Variants in CCL24 observed in about 807,000 individuals in gnomAD.
CCL24 encodes the protein C-C motif chemokine ligand 24, also known as C-C motif chemokine 24.
Under a neutral mutation model 8.6 loss-of-function variants are expected in CCL24, and 6 were observed. The observed-to-expected ratio is 0.70, with a 90% confidence interval of 0.38 to 1.38. The LOEUF (loss-of-function observed/expected upper bound fraction) is 1.38. CCL24 is among the 40% of genes most tolerant of loss of function. The pLI is 0.02. For synonymous variants in CCL24, 59 were observed against 52.7 expected, an observed-to-expected ratio of 1.12 and a Z score of -0.52; for missense variants, 126 against 147.1, an observed-to-expected ratio of 0.86 and a Z score of 0.74.
rs782147186 is a variant in CCL24, at chr7:75,812,930, GA to G, written c.191+375del. Among the ~76,000 whole-genome samples the G allele has an allele frequency of 2.6e-3, 378 of 142,758 alleles. 1 individual carries two copies. The highest frequency in any genetic ancestry group is 7.2e-3 in the Middle Eastern group (2 of 276). The allele number at this position is 142,758 out of a possible 152,430, so 93.7% of individuals were successfully genotyped here. A position where few individuals can be genotyped will look rare whatever the true frequency, so the allele number is the denominator to read the frequency against. On this transcript the variant is annotated intron_variant, in intron 2 of 2. Transcript: ENST00000222902. ...GGGTGATAGAGACTCTGTCTCAGGGGAAAAAAAAAAAATCCTCCTCCTGGCT... is the reference window on the plus strand; with the variant it reads ...GGGTGATAGAGACTCTGTCTCAGGGGAAAAAAAAAAATCCTCCTCCTGGCT...
In CCL24 at chr7:75,813,443, A is replaced by C; in HGVS notation, c.74-20T>G. ...CAGAGCCTAGAAGAGGAGAGAGAGA[A>C]GAGCCACGTCTTTTCCCAGCCTCCC... On this transcript the variant is annotated intron_variant, in intron 1 of 2. Transcript: ENST00000222902. The C allele has an allele frequency of 6.5e-7, 1 of 1,547,000 alleles. No homozygotes were observed. Among genetic ancestry groups the C allele is most frequent in the Non-Finnish European group, 8.9e-7 (1 of 1,120,584 alleles).
rs1343024686 is a variant in CCL24 at position 75,811,503 on chromosome 7, A to G, written c.*293T>C. On this transcript the variant is annotated 3_prime_UTR_variant, in exon 3 of 3. Coordinates refer to ENST00000222902, the MANE Select transcript of CCL24 (RefSeq NM_002991.3). ...CAGAAAAAAAAAAAAAAGAAAAAGCATCAGAACCAGGTCAGGAGGAGAAGG... is the reference window on the plus strand; with the variant it reads ...CAGAAAAAAAAAAAAAAGAAAAAGCGTCAGAACCAGGTCAGGAGGAGAAGG... Among the ~76,000 whole-genome samples, 2 of 151,628 alleles carry G rather than the reference A, an allele frequency of 1.3e-5. No homozygotes were observed. Among genetic ancestry groups the G allele is most frequent in the African/African-American group, 4.8e-5 (2 of 41,338 alleles).
upstream of CCL24, among the ~76,000 whole-genome samples, chr7:75,817,839 GT>G (rs1554534371): frequency 6.7e-6 from 1 of 148,262 alleles, no homozygotes; most frequent in Non-Finnish European, 1.5e-5. Flanking sequence ...GTTGTTGTTT[GT>G]TTTGTTTTCA....
chr7:75,813,218 T>C (rs1554533655), intron 2 of CCL24, 88 bp downstream of exon 2: 2 of 746,026 alleles, frequency 2.7e-6, no homozygotes, highest in Admixed American at 3.9e-5. Flanking sequence ...TGCACAGAGC[T>C]GGGGCTGGCT....
chr7:75,819,235 G>A (rs1385662801), intron 1 of CCL24, among the ~76,000 whole-genome samples: 6 of 111,534 alleles, frequency 5.4e-5, no homozygotes, highest in Admixed American at 1.1e-4. Flanking sequence ...ACCATTGCAC[G>A]CCAGACTGGG....
Position 75,811,164 on chromosome 7 carries a change from T to C in CCL24, c.*632A>G, listed in dbSNP as rs572378670. ...ATTTCCTTTAAAAAAAAAAAAATTA[T>C]GATTTTTTTTTTTCAACATAAAAGT... On this transcript the variant is annotated 3_prime_UTR_variant, in exon 3 of 3. Transcript: ENST00000222902. Among the ~76,000 whole-genome samples, 2 of 151,624 alleles carry C rather than the reference T, an allele frequency of 1.3e-5. No individual in the cohort carries two copies. The highest frequency in any genetic ancestry group is 3.9e-4 in the East Asian group (2 of 5,142).
chr7:75,822,765 G>T (rs929127103), intron 1 of CCL24, among the ~76,000 whole-genome samples: 1 of 152,096 alleles, frequency 6.6e-6, no homozygotes, highest in Non-Finnish European at 1.5e-5. Context: ...GGAGGCGGAG[G>T]TTGCAGTGAG....
chr7:75,820,018 A>ACGTCTTCTTCTTCTTCTT (rs1230617445), intron 1 of CCL24, among the ~76,000 whole-genome samples: 1,059 of 104,828 alleles, frequency 0.01, 63 homozygotes, highest in Middle Eastern at 0.019. Context: ...TTAGTAAACT[A>ACGTCTTCTTCTTCTTCTT]CTTCTTCTTC....
At chr7:75,816,479 C>G (rs781984922), upstream of CCL24, among the ~76,000 whole-genome samples, 1 of 152,156 alleles carries the variant, frequency 6.6e-6, no homozygotes, top group Non-Finnish European at 1.5e-5. Context: ...GCTGGCAGAG[C>G]AATTAGGGAG....
At position 75,811,869 on chromosome 7, in the gene CCL24, G is replaced by A. The variant is rs1585027127; in HGVS notation, c.287C>T (p.Ala96Val). ...MKNLDAKQKK[A>V]SPRARAVAVK... Reference sequence around the variant, plus strand: ...AGCCACTGCCCTGGCCCTAGGGGAAGCCTTCTTCTGCTTGGCGTCCAGGTT... The same window carrying A: ...AGCCACTGCCCTGGCCCTAGGGGAAACCTTCTTCTGCTTGGCGTCCAGGTT... Residue 96 changes from alanine to valine, a missense_variant, in exon 3 of 3, where the codon GCT (alanine) becomes GTT (valine). Physicochemically the swap from Ala to Val is moderately conservative, Grantham distance 64. Coordinates refer to ENST00000222902, the MANE Select transcript of CCL24 (RefSeq NM_002991.3). 1.2e-6 allele frequency: 2 copies of A among 1,612,464 alleles called. No individual in the cohort carries two copies. Among genetic ancestry groups the A allele is most frequent in the East Asian group, 4.5e-5 (2 of 44,728 alleles).
upstream of CCL24, among the ~76,000 whole-genome samples, chr7:75,816,551 TTTTA>T (rs1554534163): frequency 4.0e-5 from 6 of 148,164 alleles, no homozygotes; most frequent in Non-Finnish European, 7.4e-5. Context: ...TTCTTTAAAA[TTTTA>T]TTTATTTATT....
At chr7:75,818,446 CA>C (rs782549486), upstream of CCL24, among the ~76,000 whole-genome samples, 555 of 70,088 alleles carry the variant, frequency 7.9e-3, no homozygotes, top group African/African-American at 0.022. Context: ...GACTCCGTCT[CA>C]AAAAAAAAAA....
chr7:75,815,805 A>G (rs1209020686), upstream of CCL24, among the ~76,000 whole-genome samples: 1 of 152,142 alleles, frequency 6.6e-6, no homozygotes, highest in Non-Finnish European at 1.5e-5. Flanking sequence ...CTTTGTAATT[A>G]TTGGGTAACA....
chr7:75,815,026 T>G, upstream of CCL24, among the ~76,000 whole-genome samples: 1 of 150,058 alleles, frequency 6.7e-6, no homozygotes, highest in East Asian at 2.0e-4. Flanking sequence ...GGGTGGTGGG[T>G]GGGAGGAAGG....
intron 1 of CCL24, among the ~76,000 whole-genome samples, chr7:75,820,397 T>C (rs1258083285): frequency 6.6e-6 from 1 of 152,000 alleles, no homozygotes; most frequent in South Asian, 2.1e-4. Context: ...GCCAGACTGG[T>C]CTCGAACTCC....
chr7:75,812,017 A>C, intron 2 of CCL24, 53 bp from the exon 3 acceptor site: 3 of 1,503,130 alleles, frequency 2.0e-6, no homozygotes, highest in Middle Eastern at 1.9e-4. Context: ...ACCTTGGGCC[A>C]CTCCACTTCA....
chr7:75,820,082 CTTCT>C (rs1804002960), intron 1 of CCL24, among the ~76,000 whole-genome samples: 1 of 139,818 alleles, frequency 7.2e-6, no homozygotes, highest in African/African-American at 2.6e-5. Flanking sequence ...TCTTCTTCTT[CTTCT>C]TCCTCTTCTT....
chr7:75,811,678 AGT>A lies in CCL24; in HGVS notation c.*116_*117del. The A allele has an allele frequency of 1.2e-6, 1 of 851,346 alleles. No individual in the cohort carries two copies. Among genetic ancestry groups the A allele is most frequent in the Non-Finnish European group, 1.8e-6 (1 of 555,028 alleles). The allele number at this position is 851,346 out of a possible 1,614,324, so 52.7% of individuals were successfully genotyped here. A position where few individuals can be genotyped will look rare whatever the true frequency, so the allele number is the denominator to read the frequency against. ...TCATAGAAGAGACACATCCCTGGAG[AGT>A]GTTGCTAAGAAACAGGAAAATTAGC... On this transcript the variant is annotated 3_prime_UTR_variant, in exon 3 of 3. Transcript: ENST00000222902.
At position 75,820,813 on chromosome 7, in the gene CCL24, A is replaced by G. The variant is rs901499593; in HGVS notation, c.-60+2509T>C. On this transcript the variant is annotated intron_variant, in intron 1 of 3. Transcript: ENST00000416943. ...TACTCATCTATCCATCCATCCATTC[A>G]CTAATCCATCCATCCATCCATCCAT... 1.8e-3 allele frequency among the ~76,000 whole-genome samples: 251 copies of G among 140,300 alleles called. 6 individuals are homozygous for G. The highest frequency in any genetic ancestry group is 8.5e-4 in the Non-Finnish European group (55 of 64,456). 92.0% of individuals were successfully genotyped at this position (140,300 alleles called of 152,430 possible).
Sources: gnomAD v4.1 joint callset for allele counts (sites outside exome capture counted in the v4.1 genomes callset) on GRCh38, gnomAD v4.1.1 for gene constraint, MANE v1.5 for transcripts, NCBI Gene and HGNC (gene_info 2026-07-23, HGNC 2026-07-21) for gene names.